The following FLCN variants were observed in gnomAD, a reference collection of about 807,000 sequenced individuals.
FLCN encodes the protein folliculin, also known as BHD skin lesion fibrofolliculoma protein.
A neutral mutation model predicts 62.5 loss-of-function variants in FLCN; 22 were observed. The ratio of observed to expected loss-of-function variants is 0.35; its 90% CI spans 0.25 to 0.50. The LOEUF is 0.50. Among genes scored for constraint, FLCN ranks in the 20% least tolerant of loss-of-function variants. The pLI is 0.97. For synonymous variants in FLCN, 319 were observed against 310.0 expected, an observed-to-expected ratio of 1.03 and a Z score of -0.30; for missense variants, 657 against 778.0, an observed-to-expected ratio of 0.84 and a Z score of 1.85.
chr17:17,230,764 A>G (rs1447388272), intron 3 of FLCN, among the ~76,000 whole-genome samples: 2 of 148,582 alleles, frequency 1.3e-5, no homozygotes, highest in Non-Finnish European at 3.0e-5. Flanking sequence ...GTGGTGGCGC[A>G]CGCTTGTAGT....
chr17:17,235,533 A>T (rs1318495949), intron 1 of FLCN: 1 of 152,258 alleles, frequency 6.6e-6, no homozygotes, highest in Non-Finnish European at 1.5e-5. Flanking sequence ...CATGTGCACC[A>T]GAGGCCCAGG....
intron 9 of FLCN, 84 bp downstream of exon 9, chr17:17,218,935 T>C: frequency 6.7e-7 from 1 of 1,502,082 alleles, no homozygotes; most frequent in Non-Finnish European, 9.1e-7. Flanking sequence ...AGGTGGAGGG[T>C]CCAGAGGCAA....
Position 17,216,452 on chromosome 17 carries a change from C to T in FLCN, c.1228G>A (p.Glu410Lys), listed in dbSNP as rs763591386. The change falls in exon 11 of 14, where the codon GAG becomes AAG. Residue 410 changes from glutamate to lysine, a missense_variant. Transcript: ENST00000285071. This position sits in a 1 kb window ranked among gnomAD's most constrained non-coding sequence, Gnocchi z 4.0. ...VRIIPYSSQY[E>K]EAYRCNFLGL... ...AGGAAGTTGCACCGATAGGCCTCCT[C>T]GTACTGGCTGCTGTATGGGATGATG... 6.2e-7 allele frequency: 1 copy of T among 1,613,842 alleles called. No homozygotes were observed. The highest frequency in any genetic ancestry group is 8.5e-7 in the Non-Finnish European group (1 of 1,179,862).
chr17:17,221,120 C>A, intron 8 of FLCN: 1 of 1,360,722 alleles, frequency 7.3e-7, no homozygotes, highest in African/African-American at 1.5e-5. Context: ...GAAGCCCAGG[C>A]ACCTGGGAGG....
At position 17,212,944 on chromosome 17, in the gene FLCN, A is replaced by C. The variant is rs1357744539; in HGVS notation, c.*711T>G. ...GCTCACCATATCCAGGGGATTGGGC[A>C]AGTCAGATGCTTGCCGACCCCTCAG... On this transcript the variant is annotated 3_prime_UTR_variant, in exon 14 of 14. Transcript: ENST00000285071. 4.2e-6 allele frequency: 1 copy of C among 235,962 alleles called. No individual in the cohort carries two copies. Among genetic ancestry groups the C allele is most frequent in the Admixed American group, 5.3e-5 (1 of 18,692 alleles). 14.6% of individuals were successfully genotyped at this position (235,962 alleles called of 1,614,324 possible). A position where few individuals can be genotyped will look rare whatever the true frequency, so the allele number is the denominator to read the frequency against.
In FLCN at chr17:17,216,027, G is replaced by C. The variant is rs1265832383; in HGVS notation, c.1300+353C>G. ...GTAGAAGAGTGAGGAGAGGATGGCA[G>C]GGCCCACAGAAGCAGGCAGCTCACA... On this transcript the variant is annotated intron_variant, in intron 11 of 13. Coordinates refer to ENST00000285071, the MANE Select transcript of FLCN (RefSeq NM_144997.7). The surrounding 1 kb of genome is among the most constrained non-coding windows in gnomAD (Gnocchi z 4.0). Among the ~76,000 whole-genome samples the C allele has an allele frequency of 1.3e-5, 2 of 152,158 alleles. No individual in the cohort carries two copies. Among genetic ancestry groups the C allele is most frequent in the African/African-American group, 4.8e-5 (2 of 41,432 alleles).
chr17:17,215,626 C>T (rs2046895684), intron 11 of FLCN, among the ~76,000 whole-genome samples: 2 of 152,236 alleles, frequency 1.3e-5, no homozygotes, highest in Non-Finnish European at 2.9e-5. Context: ...CCCTATTCTA[C>T]AGATGGGGAA....
At chr17:17,226,000 T>C in intron 5 of FLCN, 176 bp downstream of exon 5, 2 of 866,198 alleles carry the variant, frequency 2.3e-6, no homozygotes, top group Non-Finnish European at 3.8e-6. Flanking sequence ...ACATGACTCC[T>C]CCCGCAATTC....
rs1301767660 is a variant in FLCN at position 17,237,135 on chromosome 17, C to G, written c.-451G>C. 3 of 152,366 alleles carry G rather than the reference C, an allele frequency of 2.0e-5. No homozygotes were observed. Among genetic ancestry groups the G allele is most frequent in the South Asian group, 2.1e-4 (1 of 4,836 alleles). 9.4% of individuals were successfully genotyped at this position (152,366 alleles called of 1,614,324 possible). On this transcript the variant is annotated 5_prime_UTR_variant, in exon 1 of 14. Coordinates refer to ENST00000285071, the MANE Select transcript of FLCN (RefSeq NM_144997.7). ...TCAGGGGAGCTGGCAGAACCAGGAG[C>G]GACCACACTCACTCGCGGTCCCGCA...
At chr17:17,214,964 C>G in intron 13 of FLCN, 21 bp downstream of exon 13, 1 of 1,610,562 alleles carries the variant, frequency 6.2e-7, no homozygotes, top group South Asian at 1.1e-5. Flanking sequence ...GCAAAGGGGC[C>G]TCACCCACAC....
At chr17:17,214,501 G>C (rs1409760968) in intron 13 of FLCN, among the ~76,000 whole-genome samples, 4 of 152,110 alleles carry the variant, frequency 2.6e-5, no homozygotes, top group Non-Finnish European at 5.9e-5. Flanking sequence ...GGCTGAGGCA[G>C]AAGAATCGCT....
At chr17:17,221,318 A>G (rs1034800357) in intron 8 of FLCN, 3 of 1,555,114 alleles carry the variant, frequency 1.9e-6, no homozygotes, top group Admixed American at 3.9e-5. Flanking sequence ...TAGCTGGGGA[A>G]CAGATTCTTT....
chr17:17,227,744 C>G (rs895037956), intron 4 of FLCN, 145 bp downstream of exon 4: 11 of 1,144,208 alleles, frequency 9.6e-6, no homozygotes, highest in Admixed American at 2.1e-5. Flanking sequence ...ACAAAAGCTA[C>G]AGTCAGGATG....
chr17:17,216,641 T>A lies in FLCN; in HGVS notation c.1177-138A>T. ...CCTCCTGCCAGAGGAGTCCCCAGACTCTCAGCCCACAGTGGGGGTGAGGGG... is the reference window on the plus strand; with the variant it reads ...CCTCCTGCCAGAGGAGTCCCCAGACACTCAGCCCACAGTGGGGGTGAGGGG... On this transcript the variant is annotated intron_variant, in intron 10 of 13. Coordinates refer to ENST00000285071, the MANE Select transcript of FLCN (RefSeq NM_144997.7). The surrounding 1 kb of genome is among the most constrained non-coding windows in gnomAD (Gnocchi z 4.0). The A allele has an allele frequency of 7.2e-7, 1 of 1,389,044 alleles. No homozygotes were observed. The highest frequency in any genetic ancestry group is 1.3e-5 in the South Asian group (1 of 78,426). The allele number at this position is 1,389,044 out of a possible 1,614,324, so 86.0% of individuals were successfully genotyped here.
intron 8 of FLCN, chr17:17,220,907 TG>T: frequency 3.7e-6 from 1 of 266,800 alleles, no homozygotes; most frequent in Non-Finnish European, 7.3e-6. Flanking sequence ...TTTGGAAGGC[TG>T]GTCATTTGCA....
intron 4 of FLCN, 107 bp downstream of exon 4, chr17:17,227,782 A>C (rs2047296868): frequency 6.7e-7 from 1 of 1,499,702 alleles, no homozygotes; most frequent in South Asian, 1.1e-5. Flanking sequence ...GGCCCCTGAG[A>C]AGCAGTCTGT....
At chr17:17,225,959 G>C in intron 5 of FLCN, 1 of 690,994 alleles carries the variant, frequency 1.4e-6, no homozygotes. Context: ...GCAAAAGCTA[G>C]CACTCAATCA....
intron 3 of FLCN, among the ~76,000 whole-genome samples, chr17:17,229,836 G>A (rs1449671323): frequency 3.3e-5 from 5 of 152,168 alleles, no homozygotes; most frequent in African/African-American, 1.2e-4. Flanking sequence ...GACACCTGGT[G>A]GGGACATGGA....
At chr17:17,217,221 G>C (rs780982417) in intron 9 of FLCN, 39 bp from the exon 10 acceptor site, 2 of 1,389,338 alleles carry the variant, frequency 1.4e-6, no homozygotes, top group South Asian at 1.2e-5. Flanking sequence ...GTGACTAGTA[G>C]AAATGGTTTT....
Sources: allele counts gnomAD v4.1 joint callset (sites outside exome capture counted in the v4.1 genomes callset), GRCh38; gene constraint gnomAD v4.1.1; non-coding constraint Gnocchi (gnomAD v3.1); transcripts MANE v1.5; gene names NCBI Gene and HGNC (gene_info 2026-07-23, HGNC 2026-07-21).